Variants in MYT1L observed in about 807,000 individuals in gnomAD.
MYT1L encodes myelin transcription factor 1 like.
Under a neutral mutation model 126.7 loss-of-function variants are expected in MYT1L, and 12 were observed. The ratio of observed to expected loss-of-function variants is 0.09; its 90% CI spans 0.06 to 0.15. The LOEUF (loss-of-function observed/expected upper bound fraction) is 0.15, where lower values mean the gene tolerates loss of function less well. Ranked by LOEUF, MYT1L falls within the 10% of genes least tolerant of loss-of-function variation. The probability of loss-of-function intolerance (pLI) is 1.00; values close to 1 mark genes in which losing one functional copy is unlikely to be tolerated. For missense variants in MYT1L, 979 were observed against 1,585.2 expected (o/e 0.62, Z 6.49); for synonymous variants, 541 against 604.2 (o/e 0.90, Z 1.53).
At chr2:2,007,394 G>T (rs2063437149) in intron 4 of MYT1L, among the ~76,000 whole-genome samples, 2 of 152,134 alleles carry the variant, frequency 1.3e-5, no homozygotes, top group South Asian at 4.1e-4. Flanking sequence ...AATCAATTTA[G>T]AAGGTTATTT....
In MYT1L at chr2:2,214,623, A is replaced by G. The variant is rs1008313425; in HGVS notation, c.-420-41635T>C. On this transcript the variant is annotated intron_variant, in intron 2 of 24. Transcript: ENST00000647738. Reference sequence around the variant, plus strand: ...ACCCTAAAGTTCTTTGTCCACAAAAATGTCATTCAAAAGCGAAGTAAGACA... The same window carrying G: ...ACCCTAAAGTTCTTTGTCCACAAAAGTGTCATTCAAAAGCGAAGTAAGACA... Among the ~76,000 whole-genome samples the G allele has an allele frequency of 3.9e-5, 6 of 152,300 alleles. No individual in the cohort carries two copies. In the South Asian group the frequency reaches 8.3e-4, roughly 21 times the overall value.
rs183943413 is a variant in MYT1L at position 2,085,873 on chromosome 2, C to A, written c.-303-31750G>T. On this transcript the variant is annotated intron_variant, in intron 3 of 24. Coordinates refer to ENST00000647738, the MANE Select transcript of MYT1L (RefSeq NM_001303052.2). Reference sequence around the variant, plus strand: ...CTCTGTCCCCACTCGGTTTCCTGATCCACAGACTCCCTCCTTTTCATGAAG... The same window carrying A: ...CTCTGTCCCCACTCGGTTTCCTGATACACAGACTCCCTCCTTTTCATGAAG... 1.5e-4 allele frequency among the ~76,000 whole-genome samples: 23 copies of A among 152,342 alleles called. No homozygotes were observed. The East Asian group carries it at 3.3e-3, about 22-fold the overall frequency.
At chr2:2,141,524 TC>T (rs1486189413) in intron 3 of MYT1L, among the ~76,000 whole-genome samples, 1 of 152,178 alleles carries the variant, frequency 6.6e-6, no homozygotes, top group African/African-American at 2.4e-5. Flanking sequence ...TGAGTTCTGC[TC>T]GAGCACTCTT....
chr2:1,793,382 G>A lies in MYT1L; in HGVS notation c.3277-918C>T, dbSNP rs1375775318. Among the ~76,000 whole-genome samples the A allele has an allele frequency of 1.3e-5, 2 of 152,194 alleles. No individual in the cohort carries two copies. Among genetic ancestry groups the A allele is most frequent in the Non-Finnish European group, 2.9e-5 (2 of 68,036 alleles). ...TTGGGCACCCAAGGGTGCCTCTGCCGTGCATGATCTGGGGCTTCTTCCTGG... is the reference window on the plus strand; with the variant it reads ...TTGGGCACCCAAGGGTGCCTCTGCCATGCATGATCTGGGGCTTCTTCCTGG... On this transcript the variant is annotated intron_variant, in intron 23 of 24. Transcript: ENST00000647738. The surrounding 1 kb of genome is among the most constrained non-coding windows in gnomAD (Gnocchi z 4.6).
At position 2,224,073 on chromosome 2, in the gene MYT1L, C is replaced by G. The variant is rs191014604; in HGVS notation, c.-420-51085G>C. On this transcript the variant is annotated intron_variant, in intron 2 of 24. Transcript: ENST00000647738. The surrounding 1 kb of genome is among the most constrained non-coding windows in gnomAD (Gnocchi z 4.0). ...CTAAATGCAAGGCTCATCTAAGCAT[C>G]TGAAAGACAAAATAATGAATTGGTG... Among the ~76,000 whole-genome samples, 599 of 152,302 alleles carry G rather than the reference C, an allele frequency of 3.9e-3. 2 individuals are homozygous for G. Among genetic ancestry groups the G allele is most frequent in the Non-Finnish European group, 7.3e-3 (494 of 68,026 alleles).
At chr2:2,007,041 G>C (rs1439476949) in intron 4 of MYT1L, among the ~76,000 whole-genome samples, 5 of 148,662 alleles carry the variant, frequency 3.4e-5, no homozygotes, top group Non-Finnish European at 5.9e-5. Flanking sequence ...ATATTTCATT[G>C]AAGATATATA....
intron 4 of MYT1L, among the ~76,000 whole-genome samples, chr2:2,021,937 T>A (rs965661316): frequency 6.6e-6 from 1 of 152,032 alleles, no homozygotes; most frequent in Non-Finnish European, 1.5e-5. Flanking sequence ...GAGATGCCAC[T>A]GTGACCAAGA....
rs2051699485 is a variant in MYT1L at position 1,910,045 on chromosome 2, G to C, written c.1817+195C>G. ...TCACAGCGAATCCGCAGACACCAGG[G>C]GAAGAATGACACCCTTGCCCTCACA... On this transcript the variant is annotated intron_variant, in intron 13 of 24. Coordinates refer to ENST00000647738, the MANE Select transcript of MYT1L (RefSeq NM_001303052.2). The surrounding 1 kb of genome is among the most constrained non-coding windows in gnomAD (Gnocchi z 4.8). Among the ~76,000 whole-genome samples, 1 of 152,164 alleles carries C rather than the reference G, an allele frequency of 6.6e-6. No individual in the cohort carries two copies. The highest frequency in any genetic ancestry group is 1.5e-5 in the Non-Finnish European group (1 of 68,024).
intron 9 of MYT1L, among the ~76,000 whole-genome samples, chr2:1,928,014 C>T (rs563580848): frequency 4.9e-4 from 75 of 152,214 alleles, no homozygotes; most frequent in Non-Finnish European, 9.0e-4. Flanking sequence ...AGTGCAGTGG[C>T]ACAATCACAG....
At chr2:2,027,810 C>T (rs1274275806) in intron 4 of MYT1L, among the ~76,000 whole-genome samples, 1 of 133,566 alleles carries the variant, frequency 7.5e-6, no homozygotes, top group African/African-American at 3.1e-5. Flanking sequence ...ACCAGCCTGG[C>T]TTGATGTGGC....
intron 21 of MYT1L, among the ~76,000 whole-genome samples, chr2:1,838,487 A>G (rs2041201593): frequency 6.6e-6 from 1 of 152,134 alleles, no homozygotes; most frequent in African/African-American, 2.4e-5. Context: ...CACATCGTAC[A>G]TGTGATGTGT....
chr2:1,913,253 CAG>C (rs1407579534), intron 11 of MYT1L, among the ~76,000 whole-genome samples: 1 of 152,198 alleles, frequency 6.6e-6, no homozygotes, highest in Non-Finnish European at 1.5e-5. Context: ...GTCCCTTCAG[CAG>C]AGTTTGCTTT....
At chr2:1,956,081 T>C (rs2058319961) in intron 8 of MYT1L, among the ~76,000 whole-genome samples, 1 of 152,156 alleles carries the variant, frequency 6.6e-6, no homozygotes, top group Non-Finnish European at 1.5e-5. Context: ...ATCATCTATC[T>C]ATCCATCTTT....
intron 2 of MYT1L, among the ~76,000 whole-genome samples, chr2:2,201,561 G>GTATTTACAGGTATT (rs2093073416): frequency 6.6e-6 from 1 of 152,030 alleles, no homozygotes; most frequent in Non-Finnish European, 1.5e-5. Flanking sequence ...AGCTGGGCGT[G>GTATTTACAGGTATT]GTGGCAGGTA....
intron 1 of MYT1L, among the ~76,000 whole-genome samples, chr2:2,311,202 C>A (rs900395091): frequency 6.6e-6 from 1 of 152,166 alleles, no homozygotes; most frequent in Non-Finnish European, 1.5e-5. Context: ...ACATAAGAGT[C>A]AGAAAAGGAG....
chr2:2,037,780 A>G (rs1461121567), intron 4 of MYT1L, among the ~76,000 whole-genome samples: 1 of 148,970 alleles, frequency 6.7e-6, no homozygotes, highest in Non-Finnish European at 1.5e-5. Context: ...AACAAAACAA[A>G]ACCCCCCCAA....
intron 18 of MYT1L, among the ~76,000 whole-genome samples, chr2:1,857,803 T>A (rs548129545): frequency 6.6e-6 from 1 of 152,256 alleles, no homozygotes; most frequent in South Asian, 2.1e-4. Flanking sequence ...TCTAAAAATA[T>A]GTATTGCTCC....
intron 21 of MYT1L, among the ~76,000 whole-genome samples, chr2:1,822,632 G>T (rs574696929): frequency 9.8e-5 from 15 of 152,294 alleles, no homozygotes; most frequent in African/African-American, 3.6e-4. Context: ...CTTCCTCCAG[G>T]GACAGGATGG....
In MYT1L at chr2:2,263,633, G is replaced by A. The variant is rs530288731; in HGVS notation, c.-421+20771C>T. Among the ~76,000 whole-genome samples the A allele has an allele frequency of 9.9e-5, 15 of 152,176 alleles. No individual in the cohort carries two copies. In the South Asian group the frequency reaches 3.1e-3, roughly 32 times the overall value. ...GCACCTGTCAGCTGATGCAGCTCAC[G>A]CCCCAGGATCCTGGCAGGTGGCACA... On this transcript the variant is annotated intron_variant, in intron 2 of 24. Coordinates refer to ENST00000647738, the MANE Select transcript of MYT1L (RefSeq NM_001303052.2).
Sources: allele counts gnomAD v4.1 joint callset (sites outside exome capture counted in the v4.1 genomes callset), GRCh38; gene constraint gnomAD v4.1.1; non-coding constraint Gnocchi (gnomAD v3.1); transcripts MANE v1.5; gene names NCBI Gene and HGNC (gene_info 2026-07-23, HGNC 2026-07-21).